The following NRXN3 variants were observed in gnomAD, a reference collection of about 807,000 sequenced individuals.
NRXN3 encodes neurexin 3.
Under a neutral mutation model 137.6 loss-of-function variants are expected in NRXN3, and 32 were observed. The ratio of observed to expected loss-of-function variants is 0.23; its 90% confidence interval spans 0.18 to 0.31. NRXN3 has a LOEUF of 0.31. NRXN3 is among the 10% of genes least tolerant of loss of function. The pLI is 1.00. For synonymous variants in NRXN3, 798 were observed against 784.5 expected, an observed-to-expected ratio of 1.02 and a Z score of -0.29; for missense variants, 1,574 against 2,062.5, an observed-to-expected ratio of 0.76 and a Z score of 4.59.
intron 10 of NRXN3, among the ~76,000 whole-genome samples, chr14:78,907,461 A>C (rs1343102023): frequency 6.6e-6 from 1 of 152,034 alleles, no homozygotes; most frequent in Non-Finnish European, 1.5e-5. Context: ...GTTTAACATT[A>C]CTATTTTCTA....
chr14:78,861,562 A>G (rs2099072378), intron 10 of NRXN3, among the ~76,000 whole-genome samples: 1 of 152,128 alleles, frequency 6.6e-6, no homozygotes, highest in Non-Finnish European at 1.5e-5. Context: ...CTTAACTATC[A>G]GTGTATTTCT....
intron 14 of NRXN3, among the ~76,000 whole-genome samples, chr14:78,977,262 C>T (rs2099470911): frequency 6.6e-6 from 1 of 152,140 alleles, no homozygotes; most frequent in Non-Finnish European, 1.5e-5. Context: ...AGAGTGTCCT[C>T]CATGCTGACT....
intron 15 of NRXN3, among the ~76,000 whole-genome samples, chr14:79,160,957 A>T (rs150995404): frequency 2.0e-5 from 3 of 152,076 alleles, no homozygotes; most frequent in Admixed American, 6.6e-5. Context: ...GCTCAGTACA[A>T]CATAGCAGTG....
intron 16 of NRXN3, among the ~76,000 whole-genome samples, chr14:79,476,479 A>G (rs2096560810): frequency 6.6e-6 from 1 of 152,134 alleles, no homozygotes; most frequent in Non-Finnish European, 1.5e-5. Flanking sequence ...ATGACAGGAA[A>G]TGAGTTGTCA....
intron 15 of NRXN3, among the ~76,000 whole-genome samples, chr14:79,116,082 C>G (rs2054382257): frequency 1.3e-5 from 2 of 152,138 alleles, no homozygotes; most frequent in African/African-American, 4.8e-5. Context: ...GCTGATACTT[C>G]CAAAGACTAT....
chr14:79,262,378 AAGAG>A (rs2077744671), intron 15 of NRXN3, among the ~76,000 whole-genome samples: 1 of 151,704 alleles, frequency 6.6e-6, no homozygotes, highest in Non-Finnish European at 1.5e-5. Context: ...GAGGAAGAAA[AAGAG>A]GGAGAAGGAA....
At chr14:79,296,988 CT>C (rs1220203704) in intron 15 of NRXN3, among the ~76,000 whole-genome samples, 1 of 152,208 alleles carries the variant, frequency 6.6e-6, no homozygotes, top group Non-Finnish European at 1.5e-5. Context: ...CCCTGGCCTT[CT>C]CCCAACCATT....
chr14:78,555,102 A>T (rs2096726374), intron 4 of NRXN3, among the ~76,000 whole-genome samples: 1 of 152,106 alleles, frequency 6.6e-6, no homozygotes, highest in Non-Finnish European at 1.5e-5. Flanking sequence ...GTAAAATGAG[A>T]TCACTAATGG....
At chr14:78,869,650 G>A (rs562272791) in intron 10 of NRXN3, among the ~76,000 whole-genome samples, 2 of 151,930 alleles carry the variant, frequency 1.3e-5, no homozygotes, top group Admixed American at 6.6e-5. Context: ...TCTCCAACAG[G>A]GTAAGTTCTG....
At chr14:78,665,439 C>G (rs1220964618) in intron 6 of NRXN3, among the ~76,000 whole-genome samples, 1 of 152,152 alleles carries the variant, frequency 6.6e-6, no homozygotes, top group Admixed American at 6.5e-5. Flanking sequence ...TACTTAGTAT[C>G]ATGAGAACAG....
At chr14:79,111,381 C>T (rs1200954905) in intron 15 of NRXN3, among the ~76,000 whole-genome samples, 1 of 152,186 alleles carries the variant, frequency 6.6e-6, no homozygotes, top group Non-Finnish European at 1.5e-5. Context: ...TATCTATCTG[C>T]TGATGGCTGC....
chr14:78,657,046 C>CAA (rs1174872709), intron 6 of NRXN3, among the ~76,000 whole-genome samples: 337 of 31,038 alleles, frequency 0.011, 30 homozygotes, highest in African/African-American at 0.025. Flanking sequence ...GACTCCGTCT[C>CAA]AAAAAAAAAA....
At chr14:78,460,937 G>C (rs1343517537) in intron 4 of NRXN3, among the ~76,000 whole-genome samples, 1 of 151,818 alleles carries the variant, frequency 6.6e-6, no homozygotes, top group African/African-American at 2.4e-5. Flanking sequence ...ATATTTATTT[G>C]TACCTTGTTT....
At chr14:79,675,642 A>G (rs1241220158) in intron 17 of NRXN3, among the ~76,000 whole-genome samples, 1 of 152,138 alleles carries the variant, frequency 6.6e-6, no homozygotes, top group Non-Finnish European at 1.5e-5. Flanking sequence ...AGGGTGACAT[A>G]GACCTACTGG....
chr14:78,423,668 A>C (rs1030437858), intron 4 of NRXN3, among the ~76,000 whole-genome samples: 1 of 152,196 alleles, frequency 6.6e-6, no homozygotes, highest in African/African-American at 2.4e-5. Flanking sequence ...CTTAGTAAAA[A>C]CATTGATAAG....
At chr14:79,561,419 A>G (rs1272413703) in intron 16 of NRXN3, among the ~76,000 whole-genome samples, 1 of 152,148 alleles carries the variant, frequency 6.6e-6, no homozygotes, top group Admixed American at 6.5e-5. Flanking sequence ...CTATTTAAAT[A>G]TATCTGTGGG....
At chr14:78,175,666 G>A (rs1444769786) in intron 1 of NRXN3, among the ~76,000 whole-genome samples, 1 of 152,180 alleles carries the variant, frequency 6.6e-6, no homozygotes, top group Non-Finnish European at 1.5e-5. Context: ...GCCAGCCACA[G>A]GTGGCCATGC....
intron 19 of NRXN3, among the ~76,000 whole-genome samples, chr14:79,783,747 C>T (rs1334321231): frequency 6.6e-6 from 1 of 152,156 alleles, no homozygotes; most frequent in Non-Finnish European, 1.5e-5. Context: ...TCCGTTGTCA[C>T]ACATTGTCTG....
At chr14:78,805,245 T>C (rs1374423763) in intron 9 of NRXN3, among the ~76,000 whole-genome samples, 1 of 152,106 alleles carries the variant, frequency 6.6e-6, no homozygotes, top group South Asian at 2.1e-4. Flanking sequence ...CTGTTGTCAG[T>C]GTGTCTCTTG....
Sources: allele counts gnomAD v4.1 joint callset (sites outside exome capture counted in the v4.1 genomes callset), GRCh38; gene constraint gnomAD v4.1.1; transcripts MANE v1.5; gene names NCBI Gene and HGNC (gene_info 2026-07-23, HGNC 2026-07-21).